The following BET1 variants were observed in gnomAD, a reference collection of about 807,000 sequenced individuals.
BET1 encodes the protein BET1 homolog.
Under a neutral mutation model 13.9 loss-of-function variants are expected in BET1, and 9 were observed. That is an observed-to-expected ratio of 0.65 (90% CI 0.39 to 1.13). The LOEUF is 1.13. Among genes scored for constraint, BET1 ranks in the 50% most tolerant of loss-of-function variants. The pLI is 0.01. For missense variants in BET1, 127 were observed against 133.6 expected, an observed-to-expected ratio of 0.95 and a Z score of 0.24; for synonymous variants, 39 against 47.3, an observed-to-expected ratio of 0.82 and a Z score of 0.72.
At chr7:93,976,557 A>G (rs1001105767) in intron 4 of BET1, among the ~76,000 whole-genome samples, 2 of 152,166 alleles carry the variant, frequency 1.3e-5, no homozygotes, top group Non-Finnish European at 2.9e-5. Context: ...GTAAATAAAA[A>G]ATGTAATTTT....
chr7:93,998,624 A>G (rs1795823393), intron 2 of BET1, among the ~76,000 whole-genome samples: 1 of 152,084 alleles, frequency 6.6e-6, no homozygotes, highest in Non-Finnish European at 1.5e-5. Context: ...GCTTTAACCT[A>G]GGAGGCAGAG....
At chr7:93,967,289 A>C (rs1251065316) in intron 6 of BET1, among the ~76,000 whole-genome samples, 4 of 151,878 alleles carry the variant, frequency 2.6e-5, no homozygotes, top group African/African-American at 9.7e-5. Flanking sequence ...ATAGTCTGGT[A>C]ACACTTTTCT....
Position 93,993,943 on chromosome 7 carries a change from G to A in BET1, c.*287C>T, listed in dbSNP as rs530513629. ...TATGATTACAACAAAATATTATAATGCTATTTAATCTGACAGTTGGCAAAC... is the reference window on the plus strand; with the variant it reads ...TATGATTACAACAAAATATTATAATACTATTTAATCTGACAGTTGGCAAAC... On this transcript the variant is annotated 3_prime_UTR_variant, in exon 4 of 4. Coordinates refer to ENST00000222547, the MANE Select transcript of BET1 (RefSeq NM_005868.6). The A allele has an allele frequency of 6.5e-7, 1 of 1,534,866 alleles. No individual in the cohort carries two copies. Among genetic ancestry groups the A allele is most frequent in the South Asian group, 1.2e-5 (1 of 83,752 alleles).
chr7:93,986,650 G>A (rs910702240), intron 4 of BET1, among the ~76,000 whole-genome samples: 3 of 152,162 alleles, frequency 2.0e-5, no homozygotes, highest in Non-Finnish European at 2.9e-5. Flanking sequence ...ACATCTTGCT[G>A]TAGGGCTTTG....
At chr7:93,995,582 T>G (rs1795748708) in intron 3 of BET1, among the ~76,000 whole-genome samples, 1 of 152,218 alleles carries the variant, frequency 6.6e-6, no homozygotes, top group Non-Finnish European at 1.5e-5. Flanking sequence ...TAAATCAGTA[T>G]ATTTAAAGAC....
intron 4 of BET1, among the ~76,000 whole-genome samples, chr7:93,979,559 T>C (rs961212379): frequency 3.3e-5 from 5 of 152,006 alleles, no homozygotes; most frequent in African/African-American, 1.2e-4. Context: ...TATGAACCAA[T>C]TCTTTTTGTG....
chr7:93,975,093 T>C (rs1463378025), intron 5 of BET1, among the ~76,000 whole-genome samples: 1 of 152,022 alleles, frequency 6.6e-6, no homozygotes, highest in Non-Finnish European at 1.5e-5. Context: ...CAGAAGTGTC[T>C]GTTGTATCTG....
exon 7 of BET1, chr7:93,965,143 C>T (rs1188032814): frequency 6.6e-6 from 1 of 152,066 alleles, no homozygotes; most frequent in Non-Finnish European, 1.5e-5. Flanking sequence ...CATTTTTGCA[C>T]TGCCTCGTTC....
At chr7:94,001,723 A>C (rs1057059834) in intron 1 of BET1, among the ~76,000 whole-genome samples, 1 of 152,336 alleles carries the variant, frequency 6.6e-6, no homozygotes, top group Admixed American at 6.5e-5. Context: ...ATAAGGGCCA[A>C]GATACTTAAA....
chr7:93,974,863 T>C lies in BET1; in HGVS notation c.*48+1041A>G, dbSNP rs528537525. Among the ~76,000 whole-genome samples, 10 of 152,002 alleles carry C rather than the reference T, an allele frequency of 6.6e-5. 1 individual carries two copies. The highest frequency in any genetic ancestry group is 1.3e-4 in the Non-Finnish European group (9 of 67,942). ...ATAGTAACTTTAGAGTAGAGAAAAC[T>C]GGGAGACACCACTTTTAGAAAGTGA... On this transcript the variant is annotated intron_variant and NMD_transcript_variant, in intron 5 of 6. Transcript: ENST00000357520.
chr7:93,998,118 A>G (rs751382535), intron 2 of BET1, among the ~76,000 whole-genome samples: 18 of 152,196 alleles, frequency 1.2e-4, no homozygotes, highest in Non-Finnish European at 1.9e-4. Flanking sequence ...CAGAGGACAC[A>G]AAGTGTAATT....
intron 6 of BET1, among the ~76,000 whole-genome samples, chr7:93,967,541 T>C (rs550982484): frequency 2.4e-4 from 36 of 151,362 alleles, no homozygotes; most frequent in Non-Finnish European, 4.4e-4. Flanking sequence ...AAATGACAGG[T>C]TTTTTGTCTT....
chr7:93,978,518 T>C (rs1795376261), intron 4 of BET1, among the ~76,000 whole-genome samples: 1 of 152,226 alleles, frequency 6.6e-6, no homozygotes, highest in South Asian at 2.1e-4. Context: ...TACATTATCA[T>C]ACATTGTTAG....
At chr7:93,981,926 C>T (rs1246241147) in intron 4 of BET1, among the ~76,000 whole-genome samples, 2 of 152,032 alleles carry the variant, frequency 1.3e-5, no homozygotes, top group African/African-American at 4.8e-5. Flanking sequence ...AGCTGGGAAG[C>T]AAAGAAAGCG....
intron 5 of BET1, among the ~76,000 whole-genome samples, chr7:93,975,462 T>A (rs529540623): frequency 1.3e-5 from 2 of 152,212 alleles, no homozygotes; most frequent in East Asian, 1.9e-4. Flanking sequence ...ACAATGAGCA[T>A]GTGATATTTA....
intron 4 of BET1, among the ~76,000 whole-genome samples, chr7:93,982,980 G>A (rs1795453726): frequency 6.6e-6 from 1 of 152,092 alleles, no homozygotes; most frequent in African/African-American, 2.4e-5. Context: ...CTACACTAGG[G>A]AAAGAACAGG....
chr7:93,988,201 A>C (rs1359809426), intron 4 of BET1, among the ~76,000 whole-genome samples: 1 of 152,206 alleles, frequency 6.6e-6, no homozygotes, highest in Admixed American at 6.5e-5. Flanking sequence ...TTAATGGAAA[A>C]CACAGGTGTT....
At chr7:93,998,455 T>C (rs981479287) in intron 2 of BET1, among the ~76,000 whole-genome samples, 2 of 151,260 alleles carry the variant, frequency 1.3e-5, no homozygotes, top group African/African-American at 4.9e-5. Flanking sequence ...TCCCAGCACT[T>C]TGGGAGGCCA....
intron 1 of BET1, among the ~76,000 whole-genome samples, chr7:94,001,931 G>T (rs1795915760): frequency 6.6e-6 from 1 of 152,148 alleles, no homozygotes; most frequent in Non-Finnish European, 1.5e-5. Context: ...CTTCCATGCT[G>T]TTCCATTTAT....
Sources: allele counts gnomAD v4.1 joint callset (sites outside exome capture counted in the v4.1 genomes callset), GRCh38; gene constraint gnomAD v4.1.1; transcripts MANE v1.5; gene names NCBI Gene and HGNC (gene_info 2026-07-23, HGNC 2026-07-21).